DTX3L: variants seen among roughly 807,000 people sequenced by gnomAD.
DTX3L encodes deltex E3 ubiquitin ligase 3L.
A neutral mutation model predicts 60.9 loss-of-function variants in DTX3L; 34 were observed. The observed-to-expected ratio is 0.56, with a 90% CI of 0.42 to 0.74. The LOEUF (loss-of-function observed/expected upper bound fraction) is 0.74, where lower values mean the gene tolerates loss of function less well. DTX3L is among the 30% of genes least tolerant of loss of function. DTX3L has a pLI of 0.00. For synonymous variants in DTX3L, 290 were observed against 316.6 expected, an observed-to-expected ratio of 0.92 and a Z score of 0.89; for missense variants, 810 against 874.0, an observed-to-expected ratio of 0.93 and a Z score of 0.92.
At chr3:122,565,782 A>G (rs1559900068) in intron 1 of DTX3L, 77 bp from the exon 2 acceptor site, 1 of 1,437,306 alleles carries the variant, frequency 7.0e-7, no homozygotes, top group Admixed American at 1.8e-5. Context: ...GAGTACAGAC[A>G]CAGGAATGAG....
rs374856175 is a variant in DTX3L, at chr3:122,569,686, G to A, written c.1597G>A (p.Asp533Asn). The change falls in exon 3 of 5, where the codon GAT becomes AAT. Residue 533 changes from aspartate to asparagine, a missense_variant. By Grantham distance (23) the Asp-to-Asn change is conservative. Transcript: ENST00000296161. ...TGAAACACCGATGGACATTGATAGC[G>A]ATGATTCCAAAGCAGCTTCTCCGCC... is the stretch of plus-strand genomic sequence containing the variant. ...GHETPMDIDS[D>N]DSKAASPPLK... 70 of 1,614,164 alleles carry A rather than the reference G, an allele frequency of 4.3e-5. No individual in the cohort carries two copies. The African/African-American group carries it at 4.5e-4, about 10-fold the overall frequency.
chr3:122,566,405 C>T (rs904430062), intron 2 of DTX3L, among the ~76,000 whole-genome samples: 4 of 152,098 alleles, frequency 2.6e-5, no homozygotes, highest in Admixed American at 1.3e-4. Flanking sequence ...CTCACTTTAT[C>T]GCCCAGGCTG....
chr3:122,564,759 C>T (rs2080526893), intron 1 of DTX3L, 146 bp downstream of exon 1: 1 of 1,021,980 alleles, frequency 9.8e-7, no homozygotes, highest in Non-Finnish European at 1.4e-6. Context: ...GGCCCTACTG[C>T]CAAGAGACTC....
chr3:122,566,158 G>C (rs12485294), intron 2 of DTX3L, 88 bp downstream of exon 2: 4 of 1,195,390 alleles, frequency 3.3e-6, no homozygotes, highest in Middle Eastern at 2.1e-4. Context: ...CCCATGTGCT[G>C]GGCACGTACA....
In DTX3L at chr3:122,568,847, A is replaced by C; in HGVS notation, c.758A>C (p.Lys253Thr). The change falls in exon 3 of 5, where the codon AAA becomes ACA. Residue 253 changes from lysine to threonine, a missense_variant. Physicochemically the swap from Lys to Thr is moderately conservative, Grantham distance 78. Transcript: ENST00000296161. ...TACTTTAAATATATCTGTCCTGATA[A>C]AATCAACTCAATAGAGAAAAGATTT... ...FEYFKYICPD[K>T]INSIEKRFGV... The C allele has an allele frequency of 2.5e-6, 4 of 1,613,960 alleles. No homozygotes were observed. Among genetic ancestry groups the C allele is most frequent in the Non-Finnish European group, 3.4e-6 (4 of 1,180,008 alleles).
In DTX3L at chr3:122,571,861, A is replaced by G; in HGVS notation, c.*114A>G. The stretch of plus-strand genomic sequence containing the variant: ...AAAGGACTTTGAAATTTTTCTTCTC[A>G]AGAAATGGTTTGTATAAGAATAACA... On this transcript the variant is annotated 3_prime_UTR_variant, in exon 5 of 5. Transcript: ENST00000296161. 4.7e-6 allele frequency: 4 copies of G among 856,464 alleles called. No individual in the cohort carries two copies. The highest frequency in any genetic ancestry group is 7.1e-6 in the Non-Finnish European group (4 of 563,256). 53.1% of individuals were successfully genotyped at this position (856,464 alleles called of 1,614,324 possible). A position where few individuals can be genotyped will look rare whatever the true frequency, so the allele number is the denominator to read the frequency against.
At chr3:122,565,630 G>A (rs2107778749) in intron 1 of DTX3L, among the ~76,000 whole-genome samples, 1 of 151,304 alleles carries the variant, frequency 6.6e-6, no homozygotes, top group African/African-American at 2.4e-5. Context: ...GGTGGACAAT[G>A]TTCCATTGTC....
Position 122,564,437 on chromosome 3 carries a change from A to G in DTX3L, c.11A>G (p.His4Arg). 6.2e-7 allele frequency: 1 copy of G among 1,610,228 alleles called. No homozygotes were observed. The change falls in exon 1 of 5, where the codon CAC becomes CGC. Residue 4 changes from histidine (H) to arginine (R), a missense_variant. By Grantham distance (29) the His-to-Arg change is conservative. Coordinates refer to ENST00000296161, the MANE Select transcript of DTX3L (RefSeq NM_138287.3). ...CCGACGCGCAGAGCCATGGCCTCCC[A>G]CCTGCGCCCGCCGTCCCCGCTCCTC... MAS[H>R]LRPPSPLLVR...
chr3:122,570,503 G>A lies in DTX3L; in HGVS notation c.1984G>A (p.Ala662Thr). The change falls in exon 4 of 5, where the codon GCA becomes ACA. Residue 662 changes from alanine to threonine, a missense_variant. By Grantham distance (58) the Ala-to-Thr change is moderately conservative. Transcript: ENST00000296161. The part of the protein sequence containing the change: ...GKRYPGIQRT[A>T]YLPDNKEGRK... ...GAGATACCCTGGAATACAGCGAACT[G>A]CATACTTGCCTGATAATAAGGAAGG... 1.9e-6 allele frequency: 3 copies of A among 1,614,122 alleles called. No homozygotes were observed. The highest frequency in any genetic ancestry group is 2.5e-6 in the Non-Finnish European group (3 of 1,180,034).
At position 122,568,710 on chromosome 3, in the gene DTX3L, G is replaced by C; in HGVS notation, c.621G>C (p.Glu207Asp). ...AACAATTTTCCCCTTCAATGACAGA[G>C]AGGAAGCCACTCAGTCAGCAGGAGA... ...QKQQFSPSMT[E>D]RKPLSQQERD... Residue 207 changes from glutamate (E) to aspartate (D), a missense_variant, in exon 3 of 5, where the codon GAG becomes GAC. Coordinates refer to ENST00000296161, the MANE Select transcript of DTX3L (RefSeq NM_138287.3). 1 of 1,614,200 alleles carries C rather than the reference G, an allele frequency of 6.2e-7. No individual in the cohort carries two copies. The highest frequency in any genetic ancestry group is 8.5e-7 in the Non-Finnish European group (1 of 1,180,036).
At chr3:122,570,277 AGT>A in intron 3 of DTX3L, 176 bp from the exon 4 acceptor site, 1 of 751,064 alleles carries the variant, frequency 1.3e-6, no homozygotes, top group Non-Finnish European at 2.1e-6. Flanking sequence ...GAAGGTGGAC[AGT>A]GTTTCCAGCA....
chr3:122,569,462 T>C lies in DTX3L; in HGVS notation c.1373T>C (p.Leu458Ser), dbSNP rs1559903472. 1 of 1,614,210 alleles carries C rather than the reference T, an allele frequency of 6.2e-7. No homozygotes were observed. ...AGAGAAGTTCTTTTACTGAAGTCTT[T>C]GGGCAAGGAGAGAAAGCACTTACAT... ...LMREVLLLKS[L>S]GKERKHLHQT... Residue 458 changes from leucine (L) to serine (S), a missense_variant, in exon 3 of 5, where the codon TTG becomes TCG. Coordinates refer to ENST00000296161, the MANE Select transcript of DTX3L (RefSeq NM_138287.3).
chr3:122,571,577 G>A (rs2080646089), intron 4 of DTX3L, 101 bp from the exon 5 acceptor site: 1 of 898,078 alleles, frequency 1.1e-6, no homozygotes, highest in Non-Finnish European at 1.7e-6. Flanking sequence ...ACTTGTGAAT[G>A]TTTGCAACAC....
At chr3:122,564,759 C>A in intron 1 of DTX3L, 146 bp downstream of exon 1, 1 of 1,022,098 alleles carries the variant, frequency 9.8e-7, no homozygotes. Context: ...GGCCCTACTG[C>A]CAAGAGACTC....
rs201101754 is a variant in DTX3L at position 122,569,712 on chromosome 3, A to G, written c.1623A>G (p.Pro541=). Reference sequence around the variant, plus strand: ...ATGATTCCAAAGCAGCTTCTCCGCCACTCAAGGGCTCTGTGAGTTCTGAGG... The same window carrying G: ...ATGATTCCAAAGCAGCTTCTCCGCCGCTCAAGGGCTCTGTGAGTTCTGAGG... ...DSDDSKAASP[P]LKGSVSSEAS... The change falls in exon 3 of 5, where the codon CCA becomes CCG. Residue 541 remains proline, a synonymous_variant. Transcript: ENST00000296161. The G allele has an allele frequency of 6.2e-7, 1 of 1,614,172 alleles. No individual in the cohort carries two copies. The highest frequency in any genetic ancestry group is 2.2e-5 in the East Asian group (1 of 44,884).
At chr3:122,570,693 A>G (rs2080639021) in intron 4 of DTX3L, 21 bp downstream of exon 4, 2 of 1,611,986 alleles carry the variant, frequency 1.2e-6, no homozygotes, top group Admixed American at 3.3e-5. Flanking sequence ...TTTGGGATGT[A>G]ATGGCTGCTC....
At chr3:122,566,834 C>A (rs1243906865) in intron 2 of DTX3L, among the ~76,000 whole-genome samples, 1 of 152,078 alleles carries the variant, frequency 6.6e-6, no homozygotes, top group African/African-American at 2.4e-5. Context: ...GACTCGGCTT[C>A]CAGGGACGGC....
chr3:122,569,790 C>G lies in DTX3L; in HGVS notation c.1701C>G (p.Thr567=), dbSNP rs756867563. Residue 567 remains threonine, a synonymous_variant, in exon 3 of 5, where the codon ACC becomes ACG. Transcript: ENST00000296161. ...GCATCTGTGTCATCTGTATGGACACCATTAGTAACAAAAAAGTGCTACCAA... is the reference window on the plus strand; with the variant it reads ...GCATCTGTGTCATCTGTATGGACACGATTAGTAACAAAAAAGTGCTACCAA... ...EKGICVICMD[T]ISNKKVLPKC... 7 of 1,614,106 alleles carry G rather than the reference C, an allele frequency of 4.3e-6. No individual in the cohort carries two copies. Among genetic ancestry groups the G allele is most frequent in the South Asian group, 3.3e-5 (3 of 91,076 alleles).
Position 122,569,640 on chromosome 3 carries a change from A to C in DTX3L, c.1551A>C (p.Gly517=). ...GAGGAGGAATGTCTTCATTGGCTGG[A>C]AAGAAATTGAAAGAGGGTCATGAAA... ...LKGGGMSSLA[G]KKLKEGHETP... The change falls in exon 3 of 5, where the codon GGA becomes GGC. Residue 517 remains glycine (G), a synonymous_variant. Transcript: ENST00000296161. 6.2e-7 allele frequency: 1 copy of C among 1,613,954 alleles called. No individual in the cohort carries two copies. The highest frequency in any genetic ancestry group is 2.2e-5 in the East Asian group (1 of 44,888).
Sources: allele counts gnomAD v4.1 joint callset (sites outside exome capture counted in the v4.1 genomes callset), GRCh38; gene constraint gnomAD v4.1.1; transcripts MANE v1.5; gene names NCBI Gene and HGNC (gene_info 2026-07-23, HGNC 2026-07-21).